Variants in RASGEF1A observed in about 807,000 individuals in gnomAD.
RASGEF1A encodes the protein ras-GEF domain-containing family member 1A.
Under a neutral mutation model 56.4 loss-of-function variants are expected in RASGEF1A, and 18 were observed. The ratio of observed to expected loss-of-function variants is 0.32; its 90% CI spans 0.22 to 0.47. The LOEUF (loss-of-function observed/expected upper bound fraction) is 0.47. RASGEF1A is among the 20% of genes least tolerant of loss of function. The pLI is 1.00. For missense variants in RASGEF1A, 422 were observed against 627.1 expected (o/e 0.67, Z 3.49); for synonymous variants, 245 against 242.6 (o/e 1.01, Z -0.09).
intron 1 of RASGEF1A, among the ~76,000 whole-genome samples, chr10:43,235,043 C>T (rs1488755967): frequency 6.6e-6 from 1 of 152,244 alleles, no homozygotes; most frequent in African/African-American, 2.4e-5. Context: ...TGGCAGCCAA[C>T]CCTGTCCCTT....
At chr10:43,206,264 CAT>C (rs1839994785) in intron 1 of RASGEF1A, 142 bp from the exon 2 acceptor site, 1 of 711,326 alleles carries the variant, frequency 1.4e-6, no homozygotes, top group African/African-American at 1.8e-5. Flanking sequence ...AGGGCACCCC[CAT>C]TCCAGGGCAG....
At position 43,200,662 on chromosome 10, in the gene RASGEF1A, C is replaced by T. The variant is rs1839880036; in HGVS notation, c.681+5G>A. 1.2e-6 allele frequency: 2 copies of T among 1,610,798 alleles called. No homozygotes were observed. Among genetic ancestry groups the T allele is most frequent in the Non-Finnish European group, 1.7e-6 (2 of 1,179,658 alleles). ...CCCCCAGTCAGGGCATAAGGCAGCA[C>T]TGACCAGCTCAATGTGAGTCAGCTG... On this transcript the variant is annotated splice_donor_5th_base_variant and intron_variant, in intron 5 of 12. Coordinates refer to ENST00000395810, the MANE Select transcript of RASGEF1A (RefSeq NM_145313.4).
At chr10:43,260,890 T>C (rs777810378) in intron 1 of RASGEF1A, among the ~76,000 whole-genome samples, 2 of 152,264 alleles carry the variant, frequency 1.3e-5, no homozygotes, top group Non-Finnish European at 2.9e-5. Context: ...TATACAACTC[T>C]TTTAGAGTTA....
intron 1 of RASGEF1A, among the ~76,000 whole-genome samples, chr10:43,230,194 C>T (rs766937602): frequency 2.6e-5 from 4 of 152,236 alleles, no homozygotes; most frequent in Admixed American, 6.5e-5. Flanking sequence ...TGCCAGCATT[C>T]GACTTGAATG....
intron 3 of RASGEF1A, 50 bp from the exon 4 acceptor site, chr10:43,201,995 A>G (rs1204715254): frequency 1.3e-6 from 2 of 1,520,436 alleles, no homozygotes; most frequent in East Asian, 4.6e-5. Flanking sequence ...AGAGTAGGGT[A>G]CTAGATGGCA....
chr10:43,212,575 C>T (rs1458002098), intron 1 of RASGEF1A, among the ~76,000 whole-genome samples: 3 of 152,230 alleles, frequency 2.0e-5, no homozygotes, highest in Non-Finnish European at 4.4e-5. Flanking sequence ...ACCTGAACCT[C>T]ATGGTGGCTG....
In RASGEF1A at chr10:43,196,326, C is replaced by T; in HGVS notation, c.1422-58G>A. 2 of 1,599,420 alleles carry T rather than the reference C, an allele frequency of 1.3e-6. No individual in the cohort carries two copies. Among genetic ancestry groups the T allele is most frequent in the East Asian group, 2.2e-5 (1 of 44,654 alleles). On this transcript the variant is annotated intron_variant, in intron 12 of 12. Coordinates refer to ENST00000395810, the MANE Select transcript of RASGEF1A (RefSeq NM_145313.4). This position sits in a 1 kb window ranked among gnomAD's most constrained non-coding sequence, Gnocchi z 4.6. ...CCGAGCAGGGCGGCTTGGGTCCAAG[C>T]CATCCTCAGCCTCCCACCAAACATG...
intron 1 of RASGEF1A, among the ~76,000 whole-genome samples, chr10:43,243,128 C>T (rs563475076): frequency 3.3e-4 from 49 of 149,456 alleles, no homozygotes; most frequent in African/African-American, 1.2e-3. Context: ...ATGTGAGGAG[C>T]GCCTCGGCCT....
At position 43,195,261 on chromosome 10, in the gene RASGEF1A, T is replaced by C. The variant is rs926297808; in HGVS notation, c.*983A>G. 1 of 152,262 alleles carries C rather than the reference T, an allele frequency of 6.6e-6. No individual in the cohort carries two copies. The highest frequency in any genetic ancestry group is 1.5e-5 in the Non-Finnish European group (1 of 68,078). The allele number at this position is 152,262 out of a possible 1,614,324, so 9.4% of individuals were successfully genotyped here. On this transcript the variant is annotated 3_prime_UTR_variant, in exon 13 of 13. Transcript: ENST00000395810. The surrounding 1 kb of genome is among the most constrained non-coding windows in gnomAD (Gnocchi z 4.2). Reference sequence around the variant, plus strand: ...TGGGTGTAGAAAACACCTCTCAGTATTGGGCAGTTTTATCTGAATGGGCTC... The same window carrying C: ...TGGGTGTAGAAAACACCTCTCAGTACTGGGCAGTTTTATCTGAATGGGCTC...
Position 43,209,447 on chromosome 10 carries a change from T to G in RASGEF1A, c.-6-3325A>C, listed in dbSNP as rs147314708. ...TGGCTATGTCAAGATCCTCAAACCC[T>G]TGGAGCCTTAACTTCTTTGTCTGTA... On this transcript the variant is annotated intron_variant, in intron 1 of 12. Coordinates refer to ENST00000395810, the MANE Select transcript of RASGEF1A (RefSeq NM_145313.4). Among the ~76,000 whole-genome samples the G allele has an allele frequency of 5.3e-5, 8 of 152,264 alleles. No individual in the cohort carries two copies. The East Asian group carries it at 1.5e-3, about 29-fold the overall frequency.
At chr10:43,207,444 A>ACACACACACACAC (rs1840013065) in intron 1 of RASGEF1A, 2 of 956,012 alleles carry the variant, frequency 2.1e-6, no homozygotes, top group Non-Finnish European at 2.5e-6. Context: ...ACACACACAC[A>ACACACACACACAC]GCACGTCCCT....
In RASGEF1A at chr10:43,198,041, T is replaced by C. The variant is rs1218296579; in HGVS notation, c.1187A>G (p.His396Arg). The C allele has an allele frequency of 1.2e-6, 2 of 1,613,710 alleles. No homozygotes were observed. The highest frequency in any genetic ancestry group is 1.7e-6 in the Non-Finnish European group (2 of 1,179,634). ...GTGCCCGTTGGGCAGGTGGTTGGTA[T>C]GGATTTTGTGCAGGAAGTAGATGTC... ...VKDIYFLHKI[H>R]TNHLPNGHIN... Residue 396 changes from histidine (H) to arginine (R), a missense_variant, in exon 10 of 13, where the codon CAT becomes CGT. His to Arg is a conservative substitution (Grantham distance 29). This residue lies in a region of RASGEF1A where 149 missense variants were observed against 287.2 expected (regional missense o/e 0.52). Coordinates refer to ENST00000395810, the MANE Select transcript of RASGEF1A (RefSeq NM_145313.4).
chr10:43,259,849 C>CA (rs1836494771), intron 1 of RASGEF1A, among the ~76,000 whole-genome samples: 1 of 151,788 alleles, frequency 6.6e-6, no homozygotes, highest in Admixed American at 6.6e-5. Context: ...AGGAGGCACA[C>CA]AGGCAGGGGA....
chr10:43,201,324 A>G (rs1839895208), intron 4 of RASGEF1A, among the ~76,000 whole-genome samples: 1 of 152,170 alleles, frequency 6.6e-6, no homozygotes, highest in South Asian at 2.1e-4. Context: ...ACTCGGGGTG[A>G]ACAGGAGCTG....
chr10:43,251,677 T>C (rs1247331071), intron 1 of RASGEF1A, among the ~76,000 whole-genome samples: 1 of 152,144 alleles, frequency 6.6e-6, no homozygotes. Context: ...CTGCGAAACG[T>C]GCTTGTTGAG....
intron 1 of RASGEF1A, among the ~76,000 whole-genome samples, chr10:43,248,153 C>T (rs543243108): frequency 2.7e-5 from 4 of 150,326 alleles, no homozygotes; most frequent in Admixed American, 1.3e-4. Context: ...GTGAGGAGTT[C>T]GAGACCAGCC....
chr10:43,237,441 TC>T (rs200920831), intron 1 of RASGEF1A, among the ~76,000 whole-genome samples: 2 of 12,486 alleles, frequency 1.6e-4, no homozygotes, highest in Non-Finnish European at 3.4e-4. Flanking sequence ...ACTCTCCCCC[TC>T]CTCCCCTCCC....
At chr10:43,211,216 C>G (rs1434091817) in intron 1 of RASGEF1A, among the ~76,000 whole-genome samples, 1 of 152,204 alleles carries the variant, frequency 6.6e-6, no homozygotes, top group Non-Finnish European at 1.5e-5. Flanking sequence ...TCCCAGGGGC[C>G]CAGCCTGCTG....
chr10:43,199,352 C>T (rs1282222723), intron 7 of RASGEF1A, among the ~76,000 whole-genome samples, 158 bp from the exon 8 acceptor site: 1 of 152,180 alleles, frequency 6.6e-6, no homozygotes, highest in Non-Finnish European at 1.5e-5. Flanking sequence ...GAGGTCCAGA[C>T]ATGTGCACGG....
Sources: allele counts gnomAD v4.1 joint callset (sites outside exome capture counted in the v4.1 genomes callset), GRCh38; gene constraint gnomAD v4.1.1; regional missense constraint gnomAD v4.1.1; non-coding constraint Gnocchi (gnomAD v3.1); transcripts MANE v1.5; gene names NCBI Gene and HGNC (gene_info 2026-07-23, HGNC 2026-07-21).